The following RBFOX1 variants were observed in gnomAD, a reference collection of about 807,000 sequenced individuals.
The protein encoded by RBFOX1 is RNA binding fox-1 homolog 1, also known as RNA binding protein fox-1 homolog 1.
RBFOX1 carries 8 observed loss-of-function variants against 57.7 expected under a neutral mutation model. The ratio of observed to expected loss-of-function variants is 0.14; its 90% CI spans 0.08 to 0.25. The LOEUF is 0.25. RBFOX1 is among the 10% of genes least tolerant of loss of function. RBFOX1 has a pLI of 1.00. For missense variants in RBFOX1, 611 were observed against 548.5 expected, an observed-to-expected ratio of 1.11 and a Z score of -1.14; for synonymous variants, 326 against 222.4, an observed-to-expected ratio of 1.47 and a Z score of -4.15.
chr16:7,379,008 C>G (rs1283919469), intron 4 of RBFOX1, among the ~76,000 whole-genome samples: 10 of 152,230 alleles, frequency 6.6e-5, no homozygotes, highest in Admixed American at 5.9e-4. Flanking sequence ...GATATCTACT[C>G]TCTAAATGCA....
intron 2 of RBFOX1, among the ~76,000 whole-genome samples, chr16:6,631,354 T>C (rs1467984126): frequency 6.6e-6 from 1 of 151,944 alleles, no homozygotes; most frequent in Non-Finnish European, 1.5e-5. Context: ...TAGAACCTTA[T>C]AAAGAAGATG....
At chr16:5,770,685 C>A (rs1163478656) in intron 3 of RBFOX1, among the ~76,000 whole-genome samples, 1 of 151,994 alleles carries the variant, frequency 6.6e-6, no homozygotes, top group Non-Finnish European at 1.5e-5. Context: ...AGCCAAGAAC[C>A]CTCCTGGGCT....
At chr16:7,539,378 A>C (rs2082311516) in intron 5 of RBFOX1, among the ~76,000 whole-genome samples, 1 of 152,100 alleles carries the variant, frequency 6.6e-6, no homozygotes, top group Non-Finnish European at 1.5e-5. Context: ...GGTGTCCCTC[A>C]TCTCTCTCTA....
intron 4 of RBFOX1, among the ~76,000 whole-genome samples, chr16:5,970,088 G>C (rs560234995): frequency 2.0e-5 from 3 of 152,068 alleles, no homozygotes; most frequent in African/African-American, 7.2e-5. Flanking sequence ...GTCACGATGG[G>C]TGTCTCCTTT....
chr16:6,299,066 T>G (rs1438109311), intron 1 of RBFOX1, among the ~76,000 whole-genome samples: 2 of 152,176 alleles, frequency 1.3e-5, no homozygotes, highest in African/African-American at 2.4e-5. Flanking sequence ...AAAAGGCATC[T>G]GCCAATTGCA....
At chr16:5,709,983 T>G (rs2051424410) in intron 3 of RBFOX1, among the ~76,000 whole-genome samples, 1 of 149,248 alleles carries the variant, frequency 6.7e-6, no homozygotes, top group South Asian at 2.1e-4. Flanking sequence ...AGGTGTTGGG[T>G]CTCTAACTCA....
intron 1 of RBFOX1, among the ~76,000 whole-genome samples, chr16:6,059,562 G>A (rs1224170292): frequency 6.6e-6 from 1 of 151,996 alleles, no homozygotes; most frequent in Non-Finnish European, 1.5e-5. Context: ...ACTATTCAAA[G>A]TTCATTTTCG....
At chr16:6,820,528 G>A (rs1048614749) in intron 3 of RBFOX1, among the ~76,000 whole-genome samples, 22 of 152,172 alleles carry the variant, frequency 1.4e-4, no homozygotes, top group African/African-American at 2.4e-4. Flanking sequence ...GTATGGTGGC[G>A]TGCACCTATA....
intron 4 of RBFOX1, among the ~76,000 whole-genome samples, chr16:7,399,013 C>A (rs12446425): frequency 6.6e-6 from 1 of 152,190 alleles, no homozygotes; most frequent in Non-Finnish European, 1.5e-5. Context: ...ACACTAGGAA[C>A]TACTTGGGGC....
intron 2 of RBFOX1, among the ~76,000 whole-genome samples, chr16:6,392,966 C>A (rs145502030): frequency 0.011 from 1,690 of 152,280 alleles, 26 homozygotes; most frequent in African/African-American, 0.039. Context: ...TTCATAATTG[C>A]TTGTTTCAAG....
intron 2 of RBFOX1, among the ~76,000 whole-genome samples, chr16:6,400,234 G>C (rs1055355459): frequency 6.6e-6 from 1 of 151,762 alleles, no homozygotes; most frequent in Admixed American, 6.6e-5. Flanking sequence ...TTAAATTTTT[G>C]AAATATTGTT....
chr16:5,559,447 C>G (rs2045807997), intron 2 of RBFOX1, among the ~76,000 whole-genome samples: 1 of 152,106 alleles, frequency 6.6e-6, no homozygotes, highest in Non-Finnish European at 1.5e-5. Flanking sequence ...TATTTACATA[C>G]TGTCAAAACA....
At chr16:7,458,589 C>T (rs1220419385) in intron 4 of RBFOX1, among the ~76,000 whole-genome samples, 3 of 152,186 alleles carry the variant, frequency 2.0e-5, no homozygotes, top group Non-Finnish European at 1.5e-5. Flanking sequence ...TCCCTTTCCT[C>T]TTGGCCCCTT....
rs572809815 is a variant in RBFOX1, at chr16:7,154,201, A to T, written c.27+102103A>T. On this transcript the variant is annotated intron_variant, in intron 4 of 15. Coordinates refer to ENST00000550418, the MANE Select transcript of RBFOX1 (RefSeq NM_018723.4). ...GTGCCAAGTGTTGTGAGACTAAGAA[A>T]TAACCAGGATCATGTTACTGCCTTG... Among the ~76,000 whole-genome samples, 10 of 152,344 alleles carry T rather than the reference A, an allele frequency of 6.6e-5. No individual in the cohort carries two copies. The East Asian group carries it at 1.9e-3, about 29-fold the overall frequency.
At chr16:5,357,985 T>C (rs971828992) in intron 1 of RBFOX1, among the ~76,000 whole-genome samples, 3 of 152,228 alleles carry the variant, frequency 2.0e-5, no homozygotes, top group African/African-American at 7.2e-5. Flanking sequence ...AGAGCTGCTG[T>C]AGCAAAGTAC....
At chr16:5,250,354 T>C (rs1286949432) in intron 1 of RBFOX1, among the ~76,000 whole-genome samples, 2 of 152,128 alleles carry the variant, frequency 1.3e-5, no homozygotes, top group African/African-American at 4.8e-5. Context: ...TTACTGCACC[T>C]ATCAACCCAT....
chr16:5,699,865 G>T (rs927613614), intron 3 of RBFOX1, among the ~76,000 whole-genome samples: 5 of 152,028 alleles, frequency 3.3e-5, no homozygotes, highest in Non-Finnish European at 4.4e-5. Flanking sequence ...ACGGAGTCTT[G>T]CTCTGTCGCC....
At chr16:7,513,621 T>A (rs1329883558) in intron 4 of RBFOX1, among the ~76,000 whole-genome samples, 4 of 152,150 alleles carry the variant, frequency 2.6e-5, no homozygotes, top group African/African-American at 9.7e-5. Flanking sequence ...TCCTCCCTCA[T>A]TTGTGACAAA....
At chr16:7,104,678 G>T (rs1051830580) in intron 4 of RBFOX1, among the ~76,000 whole-genome samples, 1 of 152,092 alleles carries the variant, frequency 6.6e-6, no homozygotes, top group Non-Finnish European at 1.5e-5. Flanking sequence ...TTTCCTGTTG[G>T]TTACATATTC....
Sources: gnomAD v4.1 joint callset for allele counts (sites outside exome capture counted in the v4.1 genomes callset) on GRCh38, gnomAD v4.1.1 for gene constraint, MANE v1.5 for transcripts, NCBI Gene and HGNC (gene_info 2026-07-23, HGNC 2026-07-21) for gene names.